Variants in TENT4A observed in about 807,000 individuals in gnomAD.
TENT4A encodes DNA polymerase kappa.
In TENT4A, 7 loss-of-function variants were observed where a neutral mutation model predicts 72.8. The observed-to-expected ratio is 0.10, with a 90% CI of 0.05 to 0.18. TENT4A has a LOEUF of 0.18. TENT4A is among the 10% of genes least tolerant of loss of function. The pLI is 1.00. For synonymous variants in TENT4A, 456 were observed against 434.3 expected, an observed-to-expected ratio of 1.05 and a Z score of -0.62; for missense variants, 831 against 1,017.7, an observed-to-expected ratio of 0.82 and a Z score of 2.50.
intron 1 of TENT4A, among the ~76,000 whole-genome samples, chr5:6,735,731 A>G (rs28363340): frequency 0.17 from 25,267 of 149,716 alleles, 2,175 homozygotes; most frequent in Middle Eastern, 0.26. Flanking sequence ...CTGAATTGGG[A>G]CCATGCTTGG....
Position 6,739,256 on chromosome 5 carries a change from C to T in TENT4A, c.888-476C>T, listed in dbSNP as rs115523871. On this transcript the variant is annotated intron_variant, in intron 3 of 12. Transcript: ENST00000230859. ...TAAAAGCTTACCTTCTATTAACCCA[C>T]TGCTAGTTAGCATTTGGAGGCCGAA... 6.4e-3 allele frequency among the ~76,000 whole-genome samples: 977 copies of T among 152,310 alleles called. 10 individuals carry two copies. The highest frequency in any genetic ancestry group is 0.022 in the African/African-American group (911 of 41,556).
chr5:6,725,654 G>C (rs1473830059), intron 1 of TENT4A, among the ~76,000 whole-genome samples: 3 of 152,142 alleles, frequency 2.0e-5, no homozygotes, highest in Non-Finnish European at 4.4e-5. Context: ...AAAACATAAT[G>C]ACATTGTTTT....
rs1278494288 is a variant in TENT4A at position 6,713,482 on chromosome 5, CGCCGCCGCA to C, written c.-500_-492del. The C allele has an allele frequency of 4.6e-5, 7 of 151,556 alleles. No homozygotes were observed. The highest frequency in any genetic ancestry group is 2.0e-4 in the East Asian group (1 of 5,118). The allele number at this position is 151,556 out of a possible 1,614,324, so 9.4% of individuals were successfully genotyped here. ...AGTGTCTTTTCACCGCCGCCGCCGC[CGCCGCCGCA>C]GGAGCGCCGAGCCAGCGGCGCGAGC... is the stretch of plus-strand genomic sequence containing the variant. On this transcript the variant is annotated 5_prime_UTR_variant, in exon 1 of 13. Transcript: ENST00000230859.
chr5:6,723,130 A>G (rs1016744975), intron 1 of TENT4A, among the ~76,000 whole-genome samples: 2 of 152,248 alleles, frequency 1.3e-5, no homozygotes, highest in Non-Finnish European at 2.9e-5. Flanking sequence ...TTACTCAGCA[A>G]GTTATCACTG....
intron 1 of TENT4A, among the ~76,000 whole-genome samples, chr5:6,725,551 G>T (rs554121371): frequency 6.6e-5 from 10 of 152,312 alleles, no homozygotes; most frequent in Middle Eastern, 3.4e-3. Flanking sequence ...GAGAGGCTGC[G>T]GACCACCTGC....
At chr5:6,745,398 G>T (rs2126646443) in intron 6 of TENT4A, among the ~76,000 whole-genome samples, 1 of 152,266 alleles carries the variant, frequency 6.6e-6, no homozygotes, top group Admixed American at 6.5e-5. Flanking sequence ...TTTCGAGTTG[G>T]CACTGTCCGA....
chr5:6,734,560 C>T (rs1741375358), intron 1 of TENT4A, among the ~76,000 whole-genome samples: 2 of 152,354 alleles, frequency 1.3e-5, no homozygotes, highest in South Asian at 2.1e-4. Context: ...CATGGATGGC[C>T]GGGCCCCCGG....
rs1217167337 is a variant in TENT4A, at chr5:6,718,348, C to T, written c.716+3649C>T. Among the ~76,000 whole-genome samples the T allele has an allele frequency of 3.3e-5, 5 of 152,204 alleles. No individual in the cohort carries two copies. In the East Asian group the frequency reaches 9.6e-4, roughly 29 times the overall value. On this transcript the variant is annotated intron_variant, in intron 1 of 12. Transcript: ENST00000230859. ...TCTCCCTCTAGCCTGACCTCACTGACATAAAGTAGAGCAGGTGTGACCTGT... is the reference window on the plus strand; with the variant it reads ...TCTCCCTCTAGCCTGACCTCACTGATATAAAGTAGAGCAGGTGTGACCTGT...
intron 4 of TENT4A, among the ~76,000 whole-genome samples, chr5:6,742,066 A>G (rs1379151512): frequency 1.3e-5 from 2 of 152,236 alleles, no homozygotes; most frequent in East Asian, 1.9e-4. Context: ...AAGTAGAGAA[A>G]CAATATCAGT....
At chr5:6,741,608 T>C (rs372424984) in intron 4 of TENT4A, among the ~76,000 whole-genome samples, 2 of 152,382 alleles carry the variant, frequency 1.3e-5, no homozygotes, top group African/African-American at 4.8e-5. Flanking sequence ...GCCTCAGGGC[T>C]TACCCTGCCT....
At chr5:6,716,600 C>T (rs1171832492) in intron 1 of TENT4A, among the ~76,000 whole-genome samples, 1 of 152,150 alleles carries the variant, frequency 6.6e-6, no homozygotes, top group African/African-American at 2.4e-5. Context: ...GGTCAGATTC[C>T]CCTTCACCCT....
chr5:6,714,951 C>G, intron 1 of TENT4A: 1 of 226,660 alleles, frequency 4.4e-6, no homozygotes, highest in Non-Finnish European at 8.5e-6. Context: ...AGGTATTTGT[C>G]TTTTTTACTC....
At chr5:6,727,445 C>T (rs116690728) in intron 1 of TENT4A, among the ~76,000 whole-genome samples, 2,898 of 152,298 alleles carry the variant, frequency 0.019, 37 homozygotes, top group South Asian at 0.048. Context: ...CTCCAGGCTT[C>T]GGACTCTCTG....
Position 6,749,551 on chromosome 5 carries a change from T to G in TENT4A, c.1587-6T>G, listed in dbSNP as rs775534807. On this transcript the variant is annotated splice_polypyrimidine_tract_variant and splice_region_variant and intron_variant, in intron 8 of 12. Coordinates refer to ENST00000230859, the MANE Select transcript of TENT4A (RefSeq NM_006999.6). ...TCTGTTGATCTCCAACAATGTCCCTTTGCAGTACTTTAGGAAGAATCATCA... is the reference window on the plus strand; with the variant it reads ...TCTGTTGATCTCCAACAATGTCCCTGTGCAGTACTTTAGGAAGAATCATCA... 1.9e-6 allele frequency: 3 copies of G among 1,595,102 alleles called. No homozygotes were observed. The highest frequency in any genetic ancestry group is 3.3e-5 in the Admixed American group (2 of 59,922).
chr5:6,750,920 A>T, intron 10 of TENT4A, 119 bp from the exon 11 acceptor site: 2 of 1,110,554 alleles, frequency 1.8e-6, no homozygotes, highest in Non-Finnish European at 2.6e-6. Flanking sequence ...AGTTAGACTT[A>T]ATTTGAATAA....
chr5:6,748,109 C>G (rs1742203229), intron 7 of TENT4A, among the ~76,000 whole-genome samples: 1 of 152,218 alleles, frequency 6.6e-6, no homozygotes, highest in African/African-American at 2.4e-5. Context: ...CAATGGTAGT[C>G]TTTGGCTTCC....
At chr5:6,752,403 C>T (rs968918195) in intron 11 of TENT4A, among the ~76,000 whole-genome samples, 4 of 152,250 alleles carry the variant, frequency 2.6e-5, no homozygotes, top group East Asian at 1.9e-4. Context: ...TTCTCGTTAG[C>T]GCACTTCTGC....
chr5:6,713,880 C>CCCGTCCGT lies in TENT4A; in HGVS notation c.-95_-88dup, dbSNP rs1441577371. ...CCGCCGCCGCCGCCACCGGCCCAGGCCCGTCCGTCCGTCCGTGCGCGCGCG... is the reference window on the plus strand; with the variant it reads ...CCGCCGCCGCCGCCACCGGCCCAGGCCCGTCCGTCCGTCCGTCCGTCCGTGCGCGCGCG... On this transcript the variant is annotated 5_prime_UTR_variant, in exon 1 of 13. Coordinates refer to ENST00000230859, the MANE Select transcript of TENT4A (RefSeq NM_006999.6). 9.2e-5 allele frequency: 23 copies of CCCGTCCGT among 250,514 alleles called. No individual in the cohort carries two copies. The highest frequency in any genetic ancestry group is 1.3e-4 in the Non-Finnish European group (21 of 160,894). The allele number at this position is 250,514 out of a possible 1,614,324, so 15.5% of individuals were successfully genotyped here. A position where few individuals can be genotyped will look rare whatever the true frequency, so the allele number is the denominator to read the frequency against.
intron 4 of TENT4A, among the ~76,000 whole-genome samples, chr5:6,741,137 A>G (rs532021065): frequency 2.6e-5 from 4 of 152,306 alleles, no homozygotes; most frequent in Non-Finnish European, 5.9e-5. Flanking sequence ...GTAACTGCTT[A>G]GTCCCAGTGA....
Sources: allele counts gnomAD v4.1 joint callset (sites outside exome capture counted in the v4.1 genomes callset), GRCh38; gene constraint gnomAD v4.1.1; transcripts MANE v1.5; gene names NCBI Gene and HGNC (gene_info 2026-07-23, HGNC 2026-07-21).